USP53: variants seen among roughly 807,000 people sequenced by gnomAD.
USP53 encodes ubiquitin carboxyl-terminal hydrolase 53.
In USP53, 71 loss-of-function variants were observed where a neutral mutation model predicts 94.9. That is an observed-to-expected ratio of 0.75 (90% CI 0.62 to 0.91). The LOEUF (loss-of-function observed/expected upper bound fraction) is 0.91. Ranked by LOEUF, USP53 falls within the 40% of genes least tolerant of loss-of-function variation. The probability of loss-of-function intolerance (pLI) is 0.00; values close to 1 mark genes in which losing one functional copy is unlikely to be tolerated. For synonymous variants in USP53, 375 were observed against 422.7 expected (o/e 0.89, Z 1.39); for missense variants, 1,173 against 1,281.0 (o/e 0.92, Z 1.29).
At chr4:119,250,504 T>C (rs1314446014) in intron 7 of USP53, among the ~76,000 whole-genome samples, 2 of 152,352 alleles carry the variant, frequency 1.3e-5, no homozygotes, top group Non-Finnish European at 2.9e-5. Context: ...TAATGAAATA[T>C]ACTTTCCATA....
chr4:119,229,986 A>G (rs548105394), intron 3 of USP53, among the ~76,000 whole-genome samples: 1 of 152,206 alleles, frequency 6.6e-6, no homozygotes, highest in East Asian at 1.9e-4. Context: ...AATGCATCTC[A>G]TCCTCCCAAC....
At chr4:119,285,070 G>A (rs1358623581) in intron 17 of USP53, among the ~76,000 whole-genome samples, 2 of 151,852 alleles carry the variant, frequency 1.3e-5, no homozygotes, top group African/African-American at 2.4e-5. Flanking sequence ...AGGAACTAAT[G>A]TTGTACAGAG....
chr4:119,243,004 T>C (rs974291625), intron 5 of USP53, among the ~76,000 whole-genome samples: 1 of 152,176 alleles, frequency 6.6e-6, no homozygotes, highest in Non-Finnish European at 1.5e-5. Context: ...AATGTGTGTA[T>C]AGATATGTAT....
At chr4:119,262,116 A>G (rs1011975137) in intron 12 of USP53, among the ~76,000 whole-genome samples, 1 of 152,194 alleles carries the variant, frequency 6.6e-6, no homozygotes, top group African/African-American at 2.4e-5. Flanking sequence ...TTAGTATACA[A>G]ATATGTAACT....
At chr4:119,229,731 A>G (rs983923231) in intron 3 of USP53, among the ~76,000 whole-genome samples, 2 of 151,512 alleles carry the variant, frequency 1.3e-5, no homozygotes, top group Admixed American at 1.3e-4. Flanking sequence ...CTCCCAATTT[A>G]CCCCTTCTAC....
At chr4:119,287,715 T>G (rs1578578935) in intron 17 of USP53, among the ~76,000 whole-genome samples, 4 of 152,324 alleles carry the variant, frequency 2.6e-5, no homozygotes, top group Middle Eastern at 6.8e-3. Context: ...CAGTTCATGC[T>G]AATGCCATAT....
intron 13 of USP53, 70 bp from the exon 14 acceptor site, chr4:119,268,197 GA>G (rs1408068394): frequency 2.2e-5 from 17 of 787,424 alleles, no homozygotes; most frequent in Admixed American, 1.2e-4. Context: ...AAAAAAATCT[GA>G]AAAAAATGAT....
intron 17 of USP53, among the ~76,000 whole-genome samples, chr4:119,283,334 A>G (rs1033641415): frequency 6.6e-6 from 1 of 152,030 alleles, no homozygotes. Context: ...AAGTGCATGC[A>G]TGGAATTATG....
chr4:119,262,590 A>C (rs1750643776), intron 12 of USP53, among the ~76,000 whole-genome samples: 1 of 152,232 alleles, frequency 6.6e-6, no homozygotes, highest in Non-Finnish European at 1.5e-5. Flanking sequence ...CTAAGTGGAA[A>C]TGGATCATCA....
At chr4:119,290,459 T>C (rs953151368) in intron 17 of USP53, among the ~76,000 whole-genome samples, 4 of 152,222 alleles carry the variant, frequency 2.6e-5, no homozygotes, top group Non-Finnish European at 5.9e-5. Flanking sequence ...AATTCTGTAG[T>C]ATATCGATAT....
chr4:119,278,742 T>C (rs6837530), intron 17 of USP53, among the ~76,000 whole-genome samples: 2,516 of 39,324 alleles, frequency 0.064, 145 homozygotes, highest in Middle Eastern at 0.26. Flanking sequence ...GTACACCAAT[T>C]AGACGTAGAT....
At chr4:119,274,802 G>C (rs1752380280) in intron 17 of USP53, among the ~76,000 whole-genome samples, 1 of 147,038 alleles carries the variant, frequency 6.8e-6, no homozygotes, top group Non-Finnish European at 1.5e-5. Context: ...ACTGGTGTGA[G>C]ATGGTATCTC....
chr4:119,266,834 C>T (rs1484895538), intron 12 of USP53, among the ~76,000 whole-genome samples: 1 of 151,912 alleles, frequency 6.6e-6, no homozygotes, highest in African/African-American at 2.4e-5. Context: ...TCTGCCCTTC[C>T]CCAAGGTTGC....
Position 119,272,039 on chromosome 4 carries a change from T to C in USP53, c.2174+5T>C. ...TAAAGAAACAGTATGCTTCAGGTAA[T>C]GTAAAAGTTGAGTGAATCATTTTTC... On this transcript the variant is annotated splice_donor_5th_base_variant and intron_variant, in intron 16 of 18. Transcript: ENST00000692078. The C allele has an allele frequency of 1.3e-6, 2 of 1,542,490 alleles. No individual in the cohort carries two copies. Among genetic ancestry groups the C allele is most frequent in the Non-Finnish European group, 1.7e-6 (2 of 1,149,038 alleles).
rs374990812 is a variant in USP53, at chr4:119,248,840, G to A, written c.330G>A (p.Gln110=). Residue 110 remains glutamine, a synonymous_variant, in exon 7 of 19, where the codon CAG becomes CAA. Transcript: ENST00000692078. The part of the protein sequence containing the change: ...HALAESFKDE[Q]RFQLGLMDDA... ...TTGCAGAAAGTTTCAAAGATGAGCAGCGATTTCAACTTGGCCTTATGGATG... is the reference window on the plus strand; with the variant it reads ...TTGCAGAAAGTTTCAAAGATGAGCAACGATTTCAACTTGGCCTTATGGATG... 3 of 1,614,020 alleles carry A rather than the reference G, an allele frequency of 1.9e-6. No individual in the cohort carries two copies. Among genetic ancestry groups the A allele is most frequent in the Middle Eastern group, 1.6e-4 (1 of 6,064 alleles).
intron 3 of USP53, among the ~76,000 whole-genome samples, chr4:119,228,857 G>C (rs1010784390): frequency 1.3e-5 from 2 of 152,070 alleles, no homozygotes; most frequent in South Asian, 2.1e-4. Context: ...GTTTAATTTG[G>C]ATCTTACTGA....
At chr4:119,269,890 T>C in intron 15 of USP53, 53 bp downstream of exon 15, 1 of 1,219,850 alleles carries the variant, frequency 8.2e-7, no homozygotes, top group Non-Finnish European at 1.1e-6. Flanking sequence ...AAAAATCTTA[T>C]TTTAAAACTG....
At chr4:119,262,482 A>G (rs925749395) in intron 12 of USP53, among the ~76,000 whole-genome samples, 13 of 150,024 alleles carry the variant, frequency 8.7e-5, no homozygotes, top group African/African-American at 2.7e-4. Context: ...CATATTCTGT[A>G]TGTTCTATAT....
Position 119,293,350 on chromosome 4 carries a change from T to A in USP53, c.*139T>A. 9.9e-7 allele frequency: 1 copy of A among 1,005,784 alleles called. No homozygotes were observed. The highest frequency in any genetic ancestry group is 1.4e-6 in the Non-Finnish European group (1 of 713,764). 62.3% of individuals were successfully genotyped at this position (1,005,784 alleles called of 1,614,324 possible). On this transcript the variant is annotated 3_prime_UTR_variant, in exon 19 of 19. Transcript: ENST00000692078. ...TTTTACTTCTCAGAGGCCATTTAAA[T>A]ATAATAGGAACCTACTGACCAAACC...
Sources: gnomAD v4.1 joint callset for allele counts (sites outside exome capture counted in the v4.1 genomes callset) on GRCh38, gnomAD v4.1.1 for gene constraint, MANE v1.5 for transcripts, NCBI Gene and HGNC (gene_info 2026-07-23, HGNC 2026-07-21) for gene names.